Variants in LRFN5 observed in about 807,000 individuals in gnomAD.
LRFN5 encodes leucine rich repeat and fibronectin type III domain containing 5.
LRFN5 carries 24 observed loss-of-function variants against 45.6 expected under a neutral mutation model. The ratio of observed to expected loss-of-function variants is 0.53; its 90% CI spans 0.38 to 0.74. The LOEUF (loss-of-function observed/expected upper bound fraction) is 0.74. Among genes scored for constraint, LRFN5 ranks in the 30% least tolerant of loss-of-function variants. LRFN5 has a pLI of 0.00. For synonymous variants in LRFN5, 340 were observed against 313.8 expected (o/e 1.08, Z -0.88); for missense variants, 776 against 861.5 (o/e 0.90, Z 1.24).
At chr14:41,765,513 G>A (rs1885852301) in intron 1 of LRFN5, among the ~76,000 whole-genome samples, 1 of 152,148 alleles carries the variant, frequency 6.6e-6, no homozygotes, top group African/African-American at 2.4e-5. Flanking sequence ...ATCTTACTTT[G>A]GAGGAAGATG....
chr14:41,748,309 A>G (rs1885001451), intron 1 of LRFN5, among the ~76,000 whole-genome samples: 1 of 152,134 alleles, frequency 6.6e-6, no homozygotes, highest in South Asian at 2.1e-4. Flanking sequence ...AGGTAATGGT[A>G]TATATATGCA....
At chr14:41,743,854 A>T (rs1192203359) in intron 1 of LRFN5, among the ~76,000 whole-genome samples, 2 of 152,162 alleles carry the variant, frequency 1.3e-5, no homozygotes, top group African/African-American at 4.8e-5. Context: ...AAAGAAATAT[A>T]TTCGTTTGTA....
At chr14:41,892,495 T>C (rs1198044144) in intron 4 of LRFN5, 12 of 976,784 alleles carry the variant, frequency 1.2e-5, no homozygotes, top group Non-Finnish European at 1.5e-5. Context: ...AAAAATGATA[T>C]TTCTCTAATT....
Position 41,887,368 on chromosome 14 carries a change from T to C in LRFN5, c.743T>C (p.Leu248Ser). ...AACCCCTTGCATTGCAATTGTGAAT[T>C]GTTGTGGTTGAGGCGTCTGTCCAGA... ...GGNPLHCNCELLWLRRLSRED... is the reference protein window; with the variant it reads ...GGNPLHCNCESLWLRRLSRED... The change falls in exon 3 of 6, where the codon TTG becomes TCG. Residue 248 changes from leucine (L) to serine (S), a missense_variant. Around this residue, in one of 2 missense-constraint regions of LRFN5, gnomAD observed 311 missense variants for 405.1 expected, o/e 0.77. Coordinates refer to ENST00000298119, the MANE Select transcript of LRFN5 (RefSeq NM_152447.5). The surrounding 1 kb of genome is among the most constrained non-coding windows in gnomAD (Gnocchi z 4.8). 6.2e-7 allele frequency: 1 copy of C among 1,614,176 alleles called. No individual in the cohort carries two copies. Among genetic ancestry groups the C allele is most frequent in the South Asian group, 1.1e-5 (1 of 91,084 alleles).
At chr14:41,813,952 A>G (rs1253544362) in intron 2 of LRFN5, among the ~76,000 whole-genome samples, 1 of 152,126 alleles carries the variant, frequency 6.6e-6, no homozygotes, top group East Asian at 1.9e-4. Context: ...TGGCCACATA[A>G]ATGTCTTCTT....
intron 2 of LRFN5, among the ~76,000 whole-genome samples, chr14:41,824,128 C>T (rs1888216340): frequency 6.6e-6 from 1 of 151,930 alleles, no homozygotes; most frequent in Non-Finnish European, 1.5e-5. Flanking sequence ...AATTGAGTTC[C>T]CTTACAAGCC....
intron 1 of LRFN5, among the ~76,000 whole-genome samples, chr14:41,754,807 C>G (rs1179043604): frequency 6.6e-6 from 1 of 152,072 alleles, no homozygotes; most frequent in Non-Finnish European, 1.5e-5. Flanking sequence ...CTTCTGCTAG[C>G]TGTTGAATAT....
At chr14:41,889,241 T>A (rs975966816) in intron 3 of LRFN5, among the ~76,000 whole-genome samples, 5 of 151,670 alleles carry the variant, frequency 3.3e-5, no homozygotes, top group Admixed American at 6.6e-5. Context: ...AATTTTTTTT[T>A]AAAGCATGGA....
At chr14:41,687,623 G>T (rs1048868175) in intron 1 of LRFN5, among the ~76,000 whole-genome samples, 1 of 152,160 alleles carries the variant, frequency 6.6e-6, no homozygotes, top group African/African-American at 2.4e-5. Context: ...TAAAGAACAT[G>T]TGCTACATAT....
chr14:41,787,344 G>A (rs941818474), intron 2 of LRFN5, among the ~76,000 whole-genome samples: 9 of 151,946 alleles, frequency 5.9e-5, no homozygotes, highest in African/African-American at 2.2e-4. Flanking sequence ...AAACTTATAG[G>A]TTCTATTTGA....
chr14:41,720,035 G>T (rs369196114), intron 1 of LRFN5, among the ~76,000 whole-genome samples: 2 of 152,046 alleles, frequency 1.3e-5, no homozygotes, highest in Admixed American at 6.6e-5. Context: ...TGAGTATATC[G>T]TGTGTTGCTG....
rs1039900671 is a variant in LRFN5 at position 41,758,651 on chromosome 14, A to T, written c.-196-8203A>T. 2.6e-5 allele frequency among the ~76,000 whole-genome samples: 4 copies of T among 152,186 alleles called. No individual in the cohort carries two copies. The East Asian group carries it at 5.8e-4, about 22-fold the overall frequency. On this transcript the variant is annotated intron_variant, in intron 1 of 5. Coordinates refer to ENST00000298119, the MANE Select transcript of LRFN5 (RefSeq NM_152447.5). ...AGCAGGGTTACGGTCTAATAAAATA[A>T]TGTGTCTGAAAATGCTTTGCAAACA... is the stretch of plus-strand genomic sequence containing the variant.
At chr14:41,690,661 A>G (rs1882340979) in intron 1 of LRFN5, among the ~76,000 whole-genome samples, 1 of 152,228 alleles carries the variant, frequency 6.6e-6, no homozygotes, top group Non-Finnish European at 1.5e-5. Flanking sequence ...AAGGACATCT[A>G]TGAAAAACCC....
At chr14:41,895,644 G>T (rs1048055920) in intron 4 of LRFN5, among the ~76,000 whole-genome samples, 2 of 151,398 alleles carry the variant, frequency 1.3e-5, no homozygotes, top group African/African-American at 4.8e-5. Flanking sequence ...GAAAAAAAAA[G>T]TAAATAAATG....
intron 2 of LRFN5, among the ~76,000 whole-genome samples, chr14:41,780,492 G>T (rs529048793): frequency 1.7e-4 from 26 of 152,000 alleles, no homozygotes; most frequent in African/African-American, 5.5e-4. Context: ...AATTGATATA[G>T]CTACTTCAGC....
rs866885842 is a variant in LRFN5 at position 41,753,487 on chromosome 14, C to T, written c.-196-13367C>T. Among the ~76,000 whole-genome samples, 1,075 of 151,462 alleles carry T rather than the reference C, an allele frequency of 7.1e-3. 16 individuals are homozygous for T. The highest frequency in any genetic ancestry group is 0.025 in the African/African-American group (1,028 of 41,296). ...TCCTTGAAGAGGTCCTTCACATCCC[C>T]TGTAAGTTGGATTCCTAGGTATTTT... On this transcript the variant is annotated intron_variant, in intron 1 of 5. Coordinates refer to ENST00000298119, the MANE Select transcript of LRFN5 (RefSeq NM_152447.5).
intron 1 of LRFN5, among the ~76,000 whole-genome samples, chr14:41,632,779 TAATA>T (rs1265996412): frequency 6.6e-6 from 1 of 152,144 alleles, no homozygotes; most frequent in Admixed American, 6.6e-5. Context: ...AGTGGTAGAA[TAATA>T]AATAATATTT....
intron 2 of LRFN5, among the ~76,000 whole-genome samples, chr14:41,813,425 A>G (rs1486351421): frequency 6.6e-6 from 1 of 151,934 alleles, no homozygotes; most frequent in Non-Finnish European, 1.5e-5. Flanking sequence ...ACTCCCACTT[A>G]TGAGTGAGAA....
At chr14:41,728,653 A>C (rs970567467) in intron 1 of LRFN5, among the ~76,000 whole-genome samples, 1 of 152,162 alleles carries the variant, frequency 6.6e-6, no homozygotes, top group South Asian at 2.1e-4. Context: ...ATTCTTTATC[A>C]TTAAGAGAAT....
Sources: gnomAD v4.1 joint callset for allele counts (sites outside exome capture counted in the v4.1 genomes callset) on GRCh38, gnomAD v4.1.1 for gene constraint, gnomAD v4.1.1 regional missense constraint, Gnocchi (gnomAD v3.1) non-coding constraint, MANE v1.5 for transcripts, NCBI Gene and HGNC (gene_info 2026-07-23, HGNC 2026-07-21) for gene names.